MEGF9: variants seen among roughly 807,000 people sequenced by gnomAD.
MEGF9 encodes multiple EGF like domains 9, also known as multiple epidermal growth factor-like domains protein 9.
A neutral mutation model predicts 46.8 loss-of-function variants in MEGF9; 6 were observed. That is an observed-to-expected ratio of 0.13 (90% confidence interval 0.07 to 0.25). MEGF9 has a LOEUF of 0.25. MEGF9 is among the 10% of genes least tolerant of loss of function. The pLI is 1.00. For missense variants in MEGF9, 683 were observed against 792.4 expected (o/e 0.86, Z 1.66); for synonymous variants, 302 against 330.7 (o/e 0.91, Z 0.94).
At chr9:120,695,036 TAAA>T (rs748784492) in intron 1 of MEGF9, among the ~76,000 whole-genome samples, 3 of 137,434 alleles carry the variant, frequency 2.2e-5, no homozygotes, top group Non-Finnish European at 3.2e-5. Flanking sequence ...TATAGTGGTT[TAAA>T]AAAAAAAAAA....
intron 2 of MEGF9, among the ~76,000 whole-genome samples, chr9:120,634,444 A>ATTTTTTTT: frequency 8.2e-5 from 5 of 60,846 alleles, no homozygotes; most frequent in African/African-American, 1.2e-4. Flanking sequence ...TGTGTGGAAT[A>ATTTTTTTT]TCTTTTTTTT....
At chr9:120,644,029 G>C (rs1001343081) in intron 2 of MEGF9, among the ~76,000 whole-genome samples, 3 of 152,092 alleles carry the variant, frequency 2.0e-5, no homozygotes, top group Non-Finnish European at 4.4e-5. Flanking sequence ...GTTTAACTTC[G>C]TATGTAATCA....
intron 2 of MEGF9, among the ~76,000 whole-genome samples, chr9:120,631,575 C>T (rs1401363803): frequency 1.3e-5 from 2 of 151,682 alleles, no homozygotes; most frequent in East Asian, 1.9e-4. Context: ...ACCTCCACCT[C>T]CCAGGTTCAA....
intron 2 of MEGF9, among the ~76,000 whole-genome samples, chr9:120,629,437 C>T (rs944197145): frequency 6.6e-6 from 1 of 152,054 alleles, no homozygotes; most frequent in Non-Finnish European, 1.5e-5. Context: ...GCCAGGAGTT[C>T]GAGACCAGCC....
chr9:120,714,281 G>A lies in MEGF9; in HGVS notation c.78C>T (p.Ala26=). 7 of 1,258,740 alleles carry A rather than the reference G, an allele frequency of 5.6e-6. No individual in the cohort carries two copies. Among genetic ancestry groups the A allele is most frequent in the South Asian group, 3.0e-5 (1 of 33,302 alleles). 78.0% of individuals were successfully genotyped at this position (1,258,740 alleles called of 1,614,324 possible). The change falls in exon 1 of 6, where the codon GCC becomes GCT. Residue 26 remains alanine, a synonymous_variant. Coordinates refer to ENST00000373930, the MANE Select transcript of MEGF9 (RefSeq NM_001080497.3). ...CTGAGGCGACGGCGGCGGCGGCGGCGGCGGCGGCGCAGCACAACAGGGCGA... is the reference window on the plus strand; with the variant it reads ...CTGAGGCGACGGCGGCGGCGGCGGCAGCGGCGGCGCAGCACAACAGGGCGA... ...GGLALLCCAA[A]AAAAAVASAA...
Position 120,605,208 on chromosome 9 carries a change from T to C in MEGF9, c.1791A>G (p.Ile597Met). Residue 597 changes from isoleucine to methionine, a missense_variant, in exon 6 of 6, where the codon ATA (isoleucine) becomes ATG (methionine). Physicochemically the swap from Ile to Met is conservative, Grantham distance 10 (BLOSUM62 1). Coordinates refer to ENST00000373930, the MANE Select transcript of MEGF9 (RefSeq NM_001080497.3). The surrounding 1 kb of genome is among the most constrained non-coding windows in gnomAD (Gnocchi z 4.0). Reference protein sequence around the residue: ...PNGQLTLTTPIHNYKA With the variant: ...PNGQLTLTTPMHNYKA The stretch of plus-strand genomic sequence containing the variant: ...TAGCTCCTTAGGCTTTGTAGTTATG[T>C]ATGGGCGTCGTCAGGGTCAGCTGCC... 6.2e-7 allele frequency: 1 copy of C among 1,613,518 alleles called. No homozygotes were observed. The highest frequency in any genetic ancestry group is 8.5e-7 in the Non-Finnish European group (1 of 1,179,566).
chr9:120,674,048 A>C (rs916906644), intron 1 of MEGF9, among the ~76,000 whole-genome samples: 7 of 152,152 alleles, frequency 4.6e-5, no homozygotes, highest in Non-Finnish European at 8.8e-5. Context: ...CACTTCTAGA[A>C]GAAAACACAG....
chr9:120,608,140 GC>G, intron 4 of MEGF9, 130 bp from the exon 5 acceptor site: 1 of 1,071,064 alleles, frequency 9.3e-7, no homozygotes, highest in Non-Finnish European at 1.3e-6. Context: ...GATCGCTTGA[GC>G]CCAGGAGTTT....
Position 120,713,739 on chromosome 9 carries a change from G to A in MEGF9, c.601+19C>T. 7.8e-7 allele frequency: 1 copy of A among 1,284,362 alleles called. No individual in the cohort carries two copies. The highest frequency in any genetic ancestry group is 9.8e-7 in the Non-Finnish European group (1 of 1,016,302). The allele number at this position is 1,284,362 out of a possible 1,614,324, so 79.6% of individuals were successfully genotyped here. A position where few individuals can be genotyped will look rare whatever the true frequency, so the allele number is the denominator to read the frequency against. ...TGAGGTGAGGACGGGTCCTGCCCGA[G>A]AGGGAGCGCCGGACTCACCTGGAGG... On this transcript the variant is annotated intron_variant, in intron 1 of 5. Transcript: ENST00000373930.
intron 2 of MEGF9, among the ~76,000 whole-genome samples, chr9:120,651,111 C>T (rs1440016806): frequency 6.6e-6 from 1 of 152,172 alleles, no homozygotes; most frequent in African/African-American, 2.4e-5. Context: ...ACAGATATTG[C>T]AATTGGTATT....
At position 120,602,203 on chromosome 9, in the gene MEGF9, C is replaced by T. The variant is rs2043399816; in HGVS notation, c.*2987G>A. On this transcript the variant is annotated 3_prime_UTR_variant, in exon 6 of 6. Coordinates refer to ENST00000373930, the MANE Select transcript of MEGF9 (RefSeq NM_001080497.3). Reference sequence around the variant, plus strand: ...GTTTTTAGTAGAGACGGGATTTCGCCATGTTGACCAGGCTGGTCTCGAACT... The same window carrying T: ...GTTTTTAGTAGAGACGGGATTTCGCTATGTTGACCAGGCTGGTCTCGAACT... 1 of 152,266 alleles carries T rather than the reference C, an allele frequency of 6.6e-6. No individual in the cohort carries two copies. The highest frequency in any genetic ancestry group is 6.5e-5 in the Admixed American group (1 of 15,282). The allele number at this position is 152,266 out of a possible 1,614,324, so 9.4% of individuals were successfully genotyped here. A position where few individuals can be genotyped will look rare whatever the true frequency, so the allele number is the denominator to read the frequency against.
chr9:120,620,009 A>C (rs1018839221), intron 3 of MEGF9, among the ~76,000 whole-genome samples: 1 of 152,248 alleles, frequency 6.6e-6, no homozygotes, highest in Non-Finnish European at 1.5e-5. Context: ...TTGTAATTTT[A>C]AATACAGTAT....
chr9:120,652,478 TAA>T (rs57268783), intron 2 of MEGF9, among the ~76,000 whole-genome samples: 6,631 of 85,446 alleles, frequency 0.078, 184 homozygotes, highest in African/African-American at 0.13. Context: ...GATCTTGTCT[TAA>T]AAAAAAAAAA....
At position 120,714,063 on chromosome 9, in the gene MEGF9, G is replaced by A; in HGVS notation, c.296C>T (p.Ser99Phe). Residue 99 changes from serine to phenylalanine, a missense_variant, in exon 1 of 6, where the codon TCC becomes TTC. This residue lies in a region of MEGF9 where 370 missense variants were observed against 371.3 expected (regional missense o/e 1.00). Coordinates refer to ENST00000373930, the MANE Select transcript of MEGF9 (RefSeq NM_001080497.3). ...CGCCCAAAGAGGGGTGGTCTCCGGG[G>A]ACTGGGCTGGAGAAGTCGCAGCCAG... The part of the protein sequence containing the change: ...RPLAATSPAQ[S>F]PETTPLWATA... 7.7e-7 allele frequency: 1 copy of A among 1,290,640 alleles called. No homozygotes were observed. Among genetic ancestry groups the A allele is most frequent in the Non-Finnish European group, 9.8e-7 (1 of 1,017,262 alleles). The allele number at this position is 1,290,640 out of a possible 1,614,324, so 79.9% of individuals were successfully genotyped here. A position where few individuals can be genotyped will look rare whatever the true frequency, so the allele number is the denominator to read the frequency against.
intron 1 of MEGF9, among the ~76,000 whole-genome samples, chr9:120,683,140 G>C (rs552036721): frequency 6.6e-6 from 1 of 152,262 alleles, no homozygotes; most frequent in African/African-American, 2.4e-5. Context: ...ATTCCCCAAA[G>C]AAGGTTCTGG....
chr9:120,711,871 A>ACACC (rs145059704), intron 1 of MEGF9, among the ~76,000 whole-genome samples: 46 of 150,224 alleles, frequency 3.1e-4, no homozygotes, highest in South Asian at 4.2e-4. Context: ...ACACACACAC[A>ACACC]CCCACAGGCC....
chr9:120,669,249 T>C (rs1182750155), intron 1 of MEGF9, among the ~76,000 whole-genome samples: 1 of 152,200 alleles, frequency 6.6e-6, no homozygotes, highest in Non-Finnish European at 1.5e-5. Context: ...TGCTCAATGA[T>C]GGCAAATTTT....
In MEGF9 at chr9:120,711,871, A is replaced by ACACACACCC. The variant is rs145059704; in HGVS notation, c.601+1886_601+1887insGGGTGTGTG. ...CACACACACACACACACACACACAC[A>ACACACACCC]CCCACAGGCCTGGTCATAAGCATAG... On this transcript the variant is annotated intron_variant, in intron 1 of 5. Transcript: ENST00000373930. Among the ~76,000 whole-genome samples, 249 of 150,210 alleles carry ACACACACCC rather than the reference A, an allele frequency of 1.7e-3. 2 individuals are homozygous for ACACACACCC. The highest frequency in any genetic ancestry group is 6.0e-3 in the African/African-American group (244 of 40,374).
rs1481211159 is a variant in MEGF9 at position 120,603,554 on chromosome 9, C to A, written c.*1636G>T. ...TAGGCAAAGGGGTCAGCTTGAATTT[C>A]CTAGGTCTAATCTAATAAGAAGTTT... On this transcript the variant is annotated 3_prime_UTR_variant, in exon 6 of 6. Coordinates refer to ENST00000373930, the MANE Select transcript of MEGF9 (RefSeq NM_001080497.3). The A allele has an allele frequency of 6.6e-6, 1 of 152,138 alleles. No individual in the cohort carries two copies. Among genetic ancestry groups the A allele is most frequent in the Non-Finnish European group, 1.5e-5 (1 of 68,022 alleles). The allele number at this position is 152,138 out of a possible 1,614,324, so 9.4% of individuals were successfully genotyped here.
Sources: gnomAD v4.1 joint callset for allele counts (sites outside exome capture counted in the v4.1 genomes callset) on GRCh38, gnomAD v4.1.1 for gene constraint, gnomAD v4.1.1 regional missense constraint, Gnocchi (gnomAD v3.1) non-coding constraint, MANE v1.5 for transcripts, NCBI Gene and HGNC (gene_info 2026-07-23, HGNC 2026-07-21) for gene names.